DHRSX: variants seen among roughly 807,000 people sequenced by gnomAD.
DHRSX encodes the protein polyprenol dehydrogenase.
Under a neutral mutation model 34.0 loss-of-function variants are expected in DHRSX, and 31 were observed. That is an observed-to-expected ratio of 0.91 (90% CI 0.69 to 1.23). The LOEUF (loss-of-function observed/expected upper bound fraction) is 1.23, where lower values mean the gene tolerates loss of function less well. Ranked by LOEUF, DHRSX falls within the 50% of genes most tolerant of loss-of-function variation. The pLI is 0.00. For synonymous variants in DHRSX, 201 were observed against 183.8 expected (o/e 1.09, Z -0.76); for missense variants, 414 against 428.1 (o/e 0.97, Z 0.29).
chrX:2,417,858 T>C (rs2043716245), intron 2 of DHRSX, among the ~76,000 whole-genome samples: 1 of 152,132 alleles, frequency 6.6e-6, no homozygotes, highest in Non-Finnish European at 1.5e-5. Flanking sequence ...CATCATGACA[T>C]AGCCAAACTA....
At chrX:2,500,775 C>T (rs1303915891) in intron 1 of DHRSX, 42 bp downstream of exon 1, 1 of 1,008,554 alleles carries the variant, frequency 9.9e-7, no homozygotes, top group African/African-American at 1.7e-5. Context: ...CCCGCGCCCA[C>T]CCGGGTCCCC....
At chrX:2,423,411 C>CA (rs35794260) in intron 2 of DHRSX, among the ~76,000 whole-genome samples, 3 of 150,648 alleles carry the variant, frequency 2.0e-5, no homozygotes, top group Non-Finnish European at 4.4e-5. Flanking sequence ...GATTCTGTCT[C>CA]AAAAAAAACA....
At chrX:2,363,829 T>C (rs1337745572) in intron 3 of DHRSX, among the ~76,000 whole-genome samples, 4 of 151,786 alleles carry the variant, frequency 2.6e-5, no homozygotes, top group Non-Finnish European at 4.4e-5. Flanking sequence ...CTACGAATAA[T>C]AACACATCAG....
chrX:2,491,405 C>T (rs1024134587), intron 1 of DHRSX, among the ~76,000 whole-genome samples: 10 of 152,118 alleles, frequency 6.6e-5, no homozygotes, highest in African/African-American at 2.4e-4. Context: ...GCTTGTTGTT[C>T]CTGTCCTAAG....
At chrX:2,440,236 T>G (rs1284991336) in intron 1 of DHRSX, among the ~76,000 whole-genome samples, 11 of 152,148 alleles carry the variant, frequency 7.2e-5, no homozygotes, top group Non-Finnish European at 1.6e-4. Flanking sequence ...GGTCTCACTC[T>G]TTCACCCAGG....
intron 4 of DHRSX, among the ~76,000 whole-genome samples, chrX:2,289,483 G>A (rs985259927): frequency 6.6e-5 from 10 of 152,230 alleles, no homozygotes; most frequent in East Asian, 1.9e-4. Context: ...GGAAGTAGTC[G>A]CACAAAAGTC....
intron 4 of DHRSX, among the ~76,000 whole-genome samples, chrX:2,283,767 A>G (rs1407662440): frequency 6.6e-6 from 1 of 152,220 alleles, no homozygotes; most frequent in East Asian, 1.9e-4. Context: ...GATTCCATTC[A>G]TTCATTTGCA....
intron 3 of DHRSX, among the ~76,000 whole-genome samples, chrX:2,392,935 T>A (rs1241706057): frequency 4.2e-5 from 6 of 142,580 alleles, no homozygotes; most frequent in South Asian, 2.2e-4. Context: ...AAATAAAATA[T>A]ATCAAAGTAT....
intron 1 of DHRSX, among the ~76,000 whole-genome samples, chrX:2,432,275 G>C (rs1410950477): frequency 6.6e-6 from 1 of 152,050 alleles, no homozygotes; most frequent in East Asian, 1.9e-4. Flanking sequence ...AATCCTAAAG[G>C]TGTCAGAATG....
intron 1 of DHRSX, among the ~76,000 whole-genome samples, chrX:2,452,029 G>C (rs1383420984): frequency 6.6e-6 from 1 of 151,906 alleles, no homozygotes; most frequent in Non-Finnish European, 1.5e-5. Flanking sequence ...GTGGTTAAGG[G>C]ACTGCCGCCA....
At chrX:2,331,484 G>A (rs1313367004) in intron 3 of DHRSX, among the ~76,000 whole-genome samples, 1 of 82,560 alleles carries the variant, frequency 1.2e-5, no homozygotes, top group African/African-American at 4.0e-5. Context: ...TTTTGCTCTT[G>A]TTGCCCAGGC....
intron 4 of DHRSX, among the ~76,000 whole-genome samples, chrX:2,285,587 G>A (rs766090613): frequency 1.5e-3 from 235 of 152,192 alleles, no homozygotes; most frequent in Non-Finnish European, 2.9e-3. Context: ...CTTCTGCTGT[G>A]CGGCCGGTGT....
intron 3 of DHRSX, among the ~76,000 whole-genome samples, chrX:2,378,020 G>A (rs189610127): frequency 7.2e-4 from 109 of 152,268 alleles, no homozygotes; most frequent in African/African-American, 2.6e-3. Flanking sequence ...TAACAGGCAT[G>A]AGCCACTGCG....
intron 2 of DHRSX, among the ~76,000 whole-genome samples, chrX:2,409,669 A>G (rs1251315669): frequency 6.6e-6 from 1 of 152,160 alleles, no homozygotes; most frequent in Non-Finnish European, 1.5e-5. Context: ...GTTATAGCTA[A>G]AATAAAGACT....
chrX:2,271,159 G>C (rs2041548605), intron 4 of DHRSX, among the ~76,000 whole-genome samples: 1 of 152,200 alleles, frequency 6.6e-6, no homozygotes, highest in South Asian at 2.1e-4. Context: ...AAGGTCCGCA[G>C]CTTCACTCCT....
chrX:2,478,749 G>A (rs192241118), intron 1 of DHRSX, among the ~76,000 whole-genome samples: 2 of 151,762 alleles, frequency 1.3e-5, no homozygotes, highest in Admixed American at 6.6e-5. Flanking sequence ...CCCCAAGCGT[G>A]CGGCCAAGGG....
At chrX:2,398,092 C>T (rs1188599902) in intron 3 of DHRSX, among the ~76,000 whole-genome samples, 14 of 151,966 alleles carry the variant, frequency 9.2e-5, no homozygotes, top group Non-Finnish European at 1.9e-4. Flanking sequence ...AGATGAGTTG[C>T]GGAAGGGGGC....
chrX:2,250,314 C>T (rs189208281), intron 5 of DHRSX, among the ~76,000 whole-genome samples: 1 of 151,930 alleles, frequency 6.6e-6, no homozygotes, highest in African/African-American at 2.4e-5. Context: ...TCTTGGATCT[C>T]GTGAGAAAGA....
intron 3 of DHRSX, chrX:2,335,031 A>C (rs1161029898): frequency 2.0e-5 from 3 of 151,848 alleles, no homozygotes; most frequent in Admixed American, 2.0e-4. Context: ...AATGCAAAAA[A>C]AACTTTAGCT....
Sources: gnomAD v4.1 joint callset for allele counts (sites outside exome capture counted in the v4.1 genomes callset) on GRCh38, gnomAD v4.1.1 for gene constraint, MANE v1.5 for transcripts, NCBI Gene and HGNC (gene_info 2026-07-23, HGNC 2026-07-21) for gene names.